The following PDZRN3 variants were observed in gnomAD, a reference collection of about 807,000 sequenced individuals.
The protein encoded by PDZRN3 is PDZ domain containing ring finger 3, also known as E3 ubiquitin-protein ligase PDZRN3.
Under a neutral mutation model 85.7 loss-of-function variants are expected in PDZRN3, and 38 were observed. The ratio of observed to expected loss-of-function variants is 0.44; its 90% CI spans 0.34 to 0.58. The LOEUF (loss-of-function observed/expected upper bound fraction) is 0.58, where lower values mean the gene tolerates loss of function less well. Among genes scored for constraint, PDZRN3 ranks in the 20% least tolerant of loss-of-function variants. The pLI is 0.01. For synonymous variants in PDZRN3, 759 were observed against 638.0 expected (o/e 1.19, Z -2.86); for missense variants, 1,629 against 1,506.4 (o/e 1.08, Z -1.35).
intron 3 of PDZRN3, among the ~76,000 whole-genome samples, chr3:73,482,034 T>A (rs1304578950): frequency 6.6e-6 from 1 of 152,156 alleles, no homozygotes; most frequent in Non-Finnish European, 1.5e-5. Flanking sequence ...ATTAAGAGCA[T>A]CTTTGATAGA....
intron 4 of PDZRN3, among the ~76,000 whole-genome samples, chr3:73,402,940 G>GTTTTTTTTT (rs1559658874): frequency 9.2e-6 from 1 of 108,402 alleles, no homozygotes; most frequent in African/African-American, 4.6e-5. Flanking sequence ...CACATGAAAA[G>GTTTTTTTTT]CTTTTTTTTT....
chr3:73,564,949 T>C (rs1263176259), intron 3 of PDZRN3, among the ~76,000 whole-genome samples: 1 of 152,166 alleles, frequency 6.6e-6, no homozygotes, highest in Non-Finnish European at 1.5e-5. Flanking sequence ...TTCATGATCA[T>C]TCTCATCATC....
At position 73,528,537 on chromosome 3, in the gene PDZRN3, T is replaced by A. The variant is rs184936161; in HGVS notation, c.918+73817A>T. 1.6e-3 allele frequency among the ~76,000 whole-genome samples: 240 copies of A among 152,240 alleles called. 2 individuals are homozygous for A. The highest frequency in any genetic ancestry group is 0.015 in the Admixed American group (236 of 15,298). On this transcript the variant is annotated intron_variant, in intron 3 of 9. Coordinates refer to ENST00000263666, the MANE Select transcript of PDZRN3 (RefSeq NM_015009.3). ...AACAACTGACTCAGAAAGAGAATGA[T>A]CTTTTATATGCGATTACGAAGTAAT...
chr3:73,508,211 G>C (rs1704103074), intron 3 of PDZRN3, among the ~76,000 whole-genome samples: 1 of 152,176 alleles, frequency 6.6e-6, no homozygotes, highest in Non-Finnish European at 1.5e-5. Flanking sequence ...CACCCTTGCT[G>C]AGCAGCAGCC....
At chr3:73,619,409 C>A (rs1382636629) in intron 1 of PDZRN3, among the ~76,000 whole-genome samples, 6 of 152,208 alleles carry the variant, frequency 3.9e-5, no homozygotes, top group Non-Finnish European at 8.8e-5. Flanking sequence ...AGTCTCAGGG[C>A]ACCAGATGTA....
chr3:73,523,277 T>A (rs1017964514), intron 3 of PDZRN3, among the ~76,000 whole-genome samples: 37 of 152,148 alleles, frequency 2.4e-4, no homozygotes, highest in African/African-American at 8.2e-4. Context: ...TCCACTCACC[T>A]TGGGCTCCCA....
At chr3:73,598,941 A>AATAGGGGT (rs1702471617) in intron 3 of PDZRN3, among the ~76,000 whole-genome samples, 1 of 152,182 alleles carries the variant, frequency 6.6e-6, no homozygotes, top group Non-Finnish European at 1.5e-5. Context: ...CCATCACAAC[A>AATAGGGGT]ATAGGGGTAT....
At chr3:73,477,658 A>T (rs1206993731) in intron 3 of PDZRN3, among the ~76,000 whole-genome samples, 6 of 152,224 alleles carry the variant, frequency 3.9e-5, no homozygotes, top group Non-Finnish European at 8.8e-5. Context: ...AATGTCAATG[A>T]CATTTAGGGT....
chr3:73,533,448 A>G (rs936543655), intron 3 of PDZRN3, among the ~76,000 whole-genome samples: 1 of 152,246 alleles, frequency 6.6e-6, no homozygotes, highest in Non-Finnish European at 1.5e-5. Context: ...AGAATTTTAA[A>G]TCACATATCA....
At chr3:73,609,974 AT>A (rs1163918514) in intron 1 of PDZRN3, among the ~76,000 whole-genome samples, 3 of 152,224 alleles carry the variant, frequency 2.0e-5, no homozygotes, top group Non-Finnish European at 2.9e-5. Context: ...AGCTAAAAAA[AT>A]ATTACGAAAG....
chr3:73,418,641 C>T (rs1218067293), intron 3 of PDZRN3, among the ~76,000 whole-genome samples: 3 of 152,190 alleles, frequency 2.0e-5, no homozygotes, highest in Non-Finnish European at 4.4e-5. Context: ...AATCCTATCA[C>T]ATCCTGGAAG....
chr3:73,440,557 AACAC>A (rs1283481616), intron 3 of PDZRN3, among the ~76,000 whole-genome samples: 1 of 152,152 alleles, frequency 6.6e-6, no homozygotes, highest in Non-Finnish European at 1.5e-5. Context: ...GAGGTCCCAG[AACAC>A]ACTGTGTTTC....
intron 3 of PDZRN3, among the ~76,000 whole-genome samples, chr3:73,487,859 T>TTTAAGGCCA (rs1703694460): frequency 1.3e-5 from 2 of 152,318 alleles, no homozygotes; most frequent in Admixed American, 1.3e-4. Context: ...AGCATTCACC[T>TTTAAGGCCA]TTAAGGCCAT....
In PDZRN3 at chr3:73,456,939, G is replaced by GA. The variant is rs141884119; in HGVS notation, c.919-52545dup. On this transcript the variant is annotated intron_variant, in intron 3 of 9. Transcript: ENST00000263666. ...GGTCTCTCCAGAAGGGGAGTAGGGGGAAAAAAAAAACACCTGGTACTTAAT... is the reference window on the plus strand; with the variant it reads ...GGTCTCTCCAGAAGGGGAGTAGGGGGAAAAAAAAAAACACCTGGTACTTAAT... Among the ~76,000 whole-genome samples, 1,263 of 146,664 alleles carry GA rather than the reference G, an allele frequency of 8.6e-3. 15 individuals carry two copies. The highest frequency in any genetic ancestry group is 0.028 in the African/African-American group (1,128 of 40,180).
chr3:73,546,725 G>A (rs1010946196), intron 3 of PDZRN3, among the ~76,000 whole-genome samples: 1 of 152,238 alleles, frequency 6.6e-6, no homozygotes, highest in Non-Finnish European at 1.5e-5. Context: ...CACAAAATGT[G>A]TATGGTAAAA....
intron 3 of PDZRN3, among the ~76,000 whole-genome samples, chr3:73,511,108 T>C (rs776059449): frequency 2.6e-5 from 4 of 152,162 alleles, no homozygotes; most frequent in Non-Finnish European, 4.4e-5. Context: ...ATGTTACCAG[T>C]GGCTACTTTT....
chr3:73,534,019 C>A (rs1438877073), intron 3 of PDZRN3, among the ~76,000 whole-genome samples: 2 of 151,996 alleles, frequency 1.3e-5, no homozygotes, highest in Non-Finnish European at 2.9e-5. Context: ...CTATTTATAA[C>A]TTATTTTCTA....
intron 3 of PDZRN3, among the ~76,000 whole-genome samples, chr3:73,423,841 A>G (rs1206094528): frequency 6.6e-6 from 1 of 152,134 alleles, no homozygotes; most frequent in Non-Finnish European, 1.5e-5. Flanking sequence ...TCTCCTCTTA[A>G]TATTTTCTTA....
intron 3 of PDZRN3, among the ~76,000 whole-genome samples, chr3:73,431,463 C>G (rs1220665446): frequency 1.3e-5 from 2 of 152,186 alleles, no homozygotes; most frequent in Non-Finnish European, 2.9e-5. Flanking sequence ...TTACTGAAGC[C>G]AGACGCACCG....
Sources: gnomAD v4.1 joint callset for allele counts (sites outside exome capture counted in the v4.1 genomes callset) on GRCh38, gnomAD v4.1.1 for gene constraint, MANE v1.5 for transcripts, NCBI Gene and HGNC (gene_info 2026-07-23, HGNC 2026-07-21) for gene names.